Variants in TNR observed in about 807,000 individuals in gnomAD.
The protein encoded by TNR is tenascin R.
A neutral mutation model predicts 150.4 loss-of-function variants in TNR; 45 were observed. The ratio of observed to expected loss-of-function variants is 0.30; its 90% CI spans 0.24 to 0.38. The LOEUF is 0.38. Ranked by LOEUF, TNR falls within the 10% of genes least tolerant of loss-of-function variation. TNR has a pLI of 1.00. For missense variants in TNR, 1,544 were observed against 1,759.1 expected (o/e 0.88, Z 2.19); for synonymous variants, 687 against 678.4 (o/e 1.01, Z -0.20).
At chr1:175,476,958 T>G (rs1461584977) in intron 2 of TNR, among the ~76,000 whole-genome samples, 1 of 152,184 alleles carries the variant, frequency 6.6e-6, no homozygotes, top group African/African-American at 2.4e-5. Context: ...TTACAGTTCC[T>G]TCCTCTAACT....
intron 1 of TNR, among the ~76,000 whole-genome samples, chr1:175,733,628 CA>C (rs1489394661): frequency 3.3e-5 from 5 of 152,160 alleles, no homozygotes; most frequent in African/African-American, 1.2e-4. Flanking sequence ...AACTCAGGCA[CA>C]GTGCCTCAGA....
At chr1:175,704,371 A>C (rs1666784248) in intron 1 of TNR, among the ~76,000 whole-genome samples, 1 of 152,192 alleles carries the variant, frequency 6.6e-6, no homozygotes, top group Non-Finnish European at 1.5e-5. Flanking sequence ...AGACATGCAG[A>C]ATTTGGATCT....
chr1:175,600,122 G>C (rs1031452279), intron 1 of TNR, among the ~76,000 whole-genome samples: 9 of 152,318 alleles, frequency 5.9e-5, no homozygotes, highest in Non-Finnish European at 1.0e-4. Context: ...TGTATTAGCT[G>C]TGATCTTGAG....
chr1:175,486,772 A>C lies in TNR; in HGVS notation c.-64+41497T>G, dbSNP rs192270992. ...AAAAGCTTTCCTATTTCTCCACATC[A>C]TCTCCAGCATCTGTTGTTTCCTGAC... On this transcript the variant is annotated intron_variant, in intron 2 of 22. Coordinates refer to ENST00000367674, the MANE Select transcript of TNR (RefSeq NM_003285.3). Among the ~76,000 whole-genome samples the C allele has an allele frequency of 1.2e-3, 182 of 152,252 alleles. 4 individuals carry two copies. The highest frequency in any genetic ancestry group is 7.4e-3 in the Admixed American group (113 of 15,298).
At chr1:175,350,078 A>T (rs1650984789) in intron 18 of TNR, among the ~76,000 whole-genome samples, 1 of 152,204 alleles carries the variant, frequency 6.6e-6, no homozygotes, top group South Asian at 2.1e-4. Flanking sequence ...TCTGCCATCT[A>T]TTGTTCCAGA....
intron 1 of TNR, among the ~76,000 whole-genome samples, chr1:175,678,553 C>T (rs1665935357): frequency 6.6e-6 from 1 of 152,184 alleles, no homozygotes; most frequent in South Asian, 2.1e-4. Flanking sequence ...CCCTGCCCTG[C>T]CCACCTCCCC....
chr1:175,537,781 G>A (rs1385530138), intron 1 of TNR, among the ~76,000 whole-genome samples: 10 of 152,198 alleles, frequency 6.6e-5, no homozygotes, highest in Admixed American at 2.6e-4. Context: ...GGCACAGATA[G>A]CACCTAAGTC....
chr1:175,597,624 A>G (rs1663060108), intron 1 of TNR, among the ~76,000 whole-genome samples: 1 of 152,104 alleles, frequency 6.6e-6, no homozygotes, highest in South Asian at 2.1e-4. Flanking sequence ...ATACCTGCTG[A>G]TGGTTTTAGA....
At chr1:175,545,113 A>C (rs1363969823) in intron 1 of TNR, among the ~76,000 whole-genome samples, 1 of 152,188 alleles carries the variant, frequency 6.6e-6, no homozygotes, top group African/African-American at 2.4e-5. Flanking sequence ...AGATTTGGGG[A>C]TTATTACTTG....
chr1:175,493,599 C>A (rs1157907795), intron 2 of TNR, among the ~76,000 whole-genome samples: 1 of 152,246 alleles, frequency 6.6e-6, no homozygotes, highest in African/African-American at 2.4e-5. Context: ...TGCCAGGCCC[C>A]CTTCCGGACC....
chr1:175,468,763 C>G (rs1001932361), intron 2 of TNR, among the ~76,000 whole-genome samples: 1 of 152,124 alleles, frequency 6.6e-6, no homozygotes, highest in East Asian at 1.9e-4. Flanking sequence ...TTCAGTGTGG[C>G]TGGAGCCTGA....
At chr1:175,586,452 C>T (rs1373051009) in intron 1 of TNR, among the ~76,000 whole-genome samples, 1 of 152,132 alleles carries the variant, frequency 6.6e-6, no homozygotes, top group African/African-American at 2.4e-5. Context: ...AGGCATCCGC[C>T]ACCATGGCCG....
chr1:175,534,895 T>A (rs1660209191), intron 1 of TNR, among the ~76,000 whole-genome samples: 1 of 152,120 alleles, frequency 6.6e-6, no homozygotes, highest in African/African-American at 2.4e-5. Context: ...TGATAGTGAG[T>A]GAGTTCTCAG....
At chr1:175,498,049 G>T (rs1483358904) in intron 2 of TNR, among the ~76,000 whole-genome samples, 2 of 152,090 alleles carry the variant, frequency 1.3e-5, no homozygotes, top group Non-Finnish European at 2.9e-5. Context: ...AACAGAGAGA[G>T]GCTCCATCTC....
In TNR at chr1:175,519,324, T is replaced by A. The variant is rs116093505; in HGVS notation, c.-64+8945A>T. On this transcript the variant is annotated intron_variant, in intron 2 of 22. Transcript: ENST00000367674. ...TTCAGGGGAAGGAAATTGTTTACAA[T>A]TGTCCTGTGTTATCCATTAAATTTT... 8.7e-3 allele frequency among the ~76,000 whole-genome samples: 1,330 copies of A among 152,338 alleles called. 16 individuals are homozygous for A. Among genetic ancestry groups the A allele is most frequent in the African/African-American group, 0.03 (1,262 of 41,568 alleles).
In TNR at chr1:175,466,068, G is replaced by T. The variant is rs530188938; in HGVS notation, c.-63-59291C>A. Among the ~76,000 whole-genome samples, 98 of 152,258 alleles carry T rather than the reference G, an allele frequency of 6.4e-4. 1 individual carries two copies. In the South Asian group the frequency reaches 0.02, roughly 31 times the overall value. On this transcript the variant is annotated intron_variant, in intron 2 of 22. Coordinates refer to ENST00000367674, the MANE Select transcript of TNR (RefSeq NM_003285.3). ...TCTTTCCTGTGGTGCACTAACAATA[G>T]ACTTTCAGGAACTGAGCTCCATCAC...
At chr1:175,634,792 C>T (rs12088732) in intron 1 of TNR, among the ~76,000 whole-genome samples, 3,692 of 152,226 alleles carry the variant, frequency 0.024, 162 homozygotes, top group African/African-American at 0.082. Context: ...CACTCCTAAT[C>T]GATATGCTTT....
chr1:175,435,697 A>G (rs1291874624), intron 2 of TNR, among the ~76,000 whole-genome samples: 7 of 152,140 alleles, frequency 4.6e-5, no homozygotes. Flanking sequence ...TTAGCTGGTT[A>G]TTTTGCTCGT....
intron 2 of TNR, among the ~76,000 whole-genome samples, chr1:175,407,290 G>A (rs1416621650): frequency 6.6e-6 from 1 of 152,180 alleles, no homozygotes; most frequent in Non-Finnish European, 1.5e-5. Flanking sequence ...AACCAGCCAG[G>A]CAAATAATAT....
Sources: gnomAD v4.1 joint callset for allele counts (sites outside exome capture counted in the v4.1 genomes callset) on GRCh38, gnomAD v4.1.1 for gene constraint, MANE v1.5 for transcripts, NCBI Gene and HGNC (gene_info 2026-07-23, HGNC 2026-07-21) for gene names.